MDC1: variants seen among roughly 807,000 people sequenced by gnomAD.
MDC1 encodes the protein mediator of DNA damage checkpoint protein 1.
A neutral mutation model predicts 142.5 loss-of-function variants in MDC1; 81 were observed. That is an observed-to-expected ratio of 0.57 (90% confidence interval 0.47 to 0.68). MDC1 has a LOEUF of 0.68. MDC1 is among the 30% of genes least tolerant of loss of function. The pLI is 0.00. For missense variants in MDC1, 2,119 were observed against 2,547.9 expected (o/e 0.83, Z 3.62); for synonymous variants, 797 against 968.4 (o/e 0.82, Z 3.29).
In MDC1 at chr6:30,700,085, T is replaced by C. The variant is rs758207427; in HGVS notation, c.*380A>G. On this transcript the variant is annotated 3_prime_UTR_variant, in exon 15 of 15. Transcript: ENST00000376406. Reference sequence around the variant, plus strand: ...TTTCCAAATAGGAGGTAGGACACCATGAGTGGCATCGAGCAATAACTGCAA... The same window carrying C: ...TTTCCAAATAGGAGGTAGGACACCACGAGTGGCATCGAGCAATAACTGCAA... The C allele has an allele frequency of 3.3e-5, 8 of 240,546 alleles. No homozygotes were observed. Among genetic ancestry groups the C allele is most frequent in the Non-Finnish European group, 6.5e-5 (8 of 123,284 alleles). The allele number at this position is 240,546 out of a possible 1,614,324, so 14.9% of individuals were successfully genotyped here. A position where few individuals can be genotyped will look rare whatever the true frequency, so the allele number is the denominator to read the frequency against.
At position 30,713,735 on chromosome 6, in the gene MDC1, G is replaced by T; in HGVS notation, c.518-18C>A. 1.4e-5 allele frequency: 23 copies of T among 1,613,918 alleles called. No individual in the cohort carries two copies. The highest frequency in any genetic ancestry group is 1.9e-5 in the Non-Finnish European group (23 of 1,179,868). On this transcript the variant is annotated intron_variant, in intron 3 of 14. Transcript: ENST00000376406. The surrounding 1 kb of genome is among the most constrained non-coding windows in gnomAD (Gnocchi z 4.9). Reference sequence around the variant, plus strand: ...AAGAAAATCTGTCAAGAACAGAAAGGAATGAGTTGACAATTGTACACTCAT... The same window carrying T: ...AAGAAAATCTGTCAAGAACAGAAAGTAATGAGTTGACAATTGTACACTCAT...
rs773783519 is a variant in MDC1 at position 30,702,886 on chromosome 6, G to C, written c.5866-9C>G. On this transcript the variant is annotated splice_polypyrimidine_tract_variant and intron_variant, in intron 12 of 14. Coordinates refer to ENST00000376406, the MANE Select transcript of MDC1 (RefSeq NM_014641.3). ...AAACCAGCCTTGCGGGACTAAGGAC[G>C]GCAGCAGTCAGCATCAAAGCTCAGC... is the stretch of plus-strand genomic sequence containing the variant. 1 of 1,612,780 alleles carries C rather than the reference G, an allele frequency of 6.2e-7. No individual in the cohort carries two copies. Among genetic ancestry groups the C allele is most frequent in the Non-Finnish European group, 8.5e-7 (1 of 1,180,034 alleles).
At position 30,707,374 on chromosome 6, in the gene MDC1, T is replaced by C; in HGVS notation, c.3084+10A>G. ...CTTGTGGAATAGGAGGTAGAAAAAG[T>C]AGCTCTCACCCTGGAAACCTTCTCA... On this transcript the variant is annotated intron_variant, in intron 9 of 14. Transcript: ENST00000376406. 1 of 1,612,924 alleles carries C rather than the reference T, an allele frequency of 6.2e-7. No individual in the cohort carries two copies. The highest frequency in any genetic ancestry group is 8.5e-7 in the Non-Finnish European group (1 of 1,179,862).
chr6:30,701,397 C>CTCA (rs1301249808), intron 14 of MDC1, among the ~76,000 whole-genome samples: 1 of 139,126 alleles, frequency 7.2e-6, no homozygotes. Flanking sequence ...GAGACTCTCT[C>CTCA]AAAAAAAAAA....
rs1775096198 is a variant in MDC1, at chr6:30,712,706, T to C, written c.1236A>G (p.Ala412=). 1 of 1,613,012 alleles carries C rather than the reference T, an allele frequency of 6.2e-7. No homozygotes were observed. The highest frequency in any genetic ancestry group is 1.3e-5 in the African/African-American group (1 of 74,952). Residue 412 remains alanine, a synonymous_variant, in exon 5 of 15, where the codon GCA becomes GCG. Coordinates refer to ENST00000376406, the MANE Select transcript of MDC1 (RefSeq NM_014641.3). The surrounding 1 kb of genome is among the most constrained non-coding windows in gnomAD (Gnocchi z 4.7). ...SDTDDEEEVS[A]ALTLAHLKES... Reference sequence around the variant, plus strand: ...CTTTCAGATGTGCCAAAGTCAGCGCTGCTGAGACTTCTTCCTCGTCATCTG... The same window carrying C: ...CTTTCAGATGTGCCAAAGTCAGCGCCGCTGAGACTTCTTCCTCGTCATCTG...
rs977459394 is a variant in MDC1 at position 30,715,254 on chromosome 6, C to G, written c.-3-76G>C. 6.6e-7 allele frequency: 1 copy of G among 1,515,590 alleles called. No homozygotes were observed. The highest frequency in any genetic ancestry group is 9.2e-7 in the Non-Finnish European group (1 of 1,092,870). The allele number at this position is 1,515,590 out of a possible 1,614,324, so 93.9% of individuals were successfully genotyped here. On this transcript the variant is annotated intron_variant, in intron 1 of 14. Coordinates refer to ENST00000376406, the MANE Select transcript of MDC1 (RefSeq NM_014641.3). The surrounding 1 kb of genome is among the most constrained non-coding windows in gnomAD (Gnocchi z 4.1). ...AGCATCAGAGTTATCAGACTGAAAA[C>G]TAGGGGGTAAACTGGATCATTATGA...
At chr6:30,710,834 G>A (rs1774755728) in intron 7 of MDC1, among the ~76,000 whole-genome samples, 1 of 152,188 alleles carries the variant, frequency 6.6e-6, no homozygotes, top group Non-Finnish European at 1.5e-5. Flanking sequence ...TGAGGGATGG[G>A]CTATTGCCCA....
chr6:30,702,949 G>A (rs1773024140), intron 12 of MDC1, 72 bp from the exon 13 acceptor site: 3 of 1,605,310 alleles, frequency 1.9e-6, no homozygotes, highest in African/African-American at 2.7e-5. Flanking sequence ...AGCATTTAGA[G>A]AGAGCTCACA....
Position 30,715,117 on chromosome 6 carries a change from G to A in MDC1, c.59C>T (p.Ser20Phe). Residue 20 changes from serine to phenylalanine, a missense_variant, in exon 2 of 15, where the codon TCC becomes TTC. Ser to Phe is a radical substitution (Grantham distance 155). Transcript: ENST00000376406. The surrounding 1 kb of genome is among the most constrained non-coding windows in gnomAD (Gnocchi z 4.1). ...DVEEEEETEQ[S>F]SESLRCNVEP... is the part of the protein sequence containing the mutation. ...CACGTTACACCTCAAGGATTCACTG[G>A]ATTGCTCTGTCTCCTCCTCTTCTTC... The A allele has an allele frequency of 8.7e-6, 14 of 1,614,144 alleles. No individual in the cohort carries two copies. The highest frequency in any genetic ancestry group is 1.2e-5 in the Non-Finnish European group (14 of 1,180,014).
rs115919262 is a variant in MDC1, at chr6:30,705,386, T to G, written c.3797A>C (p.Tyr1266Ser). 0.017 allele frequency: 20,606 copies of G among 1,221,684 alleles called. 567 individuals carry two copies. The highest frequency in any genetic ancestry group is 0.15 in the African/African-American group (5,762 of 39,456). 75.7% of individuals were successfully genotyped at this position (1,221,684 alleles called of 1,614,324 possible). The change falls in exon 10 of 15, where the codon TAT becomes TCT. Residue 1266 changes from tyrosine to serine, a missense_variant. Physicochemically the swap from Tyr to Ser is moderately radical, Grantham distance 144 (BLOSUM62 -2). Transcript: ENST00000376406. Reference protein sequence around the residue: ...TDQPVTSEPTYQATRGRKNRS... With the variant: ...TDQPVTSEPTSQATRGRKNRS... The stretch of plus-strand genomic sequence containing the variant: ...ATTTTTTCTTCCCCTAGTAGCCTGA[T>G]ATGTGGGCTCAGAAGTGACAGGCTG...
Position 30,712,270 on chromosome 6 carries a change from C to T in MDC1, c.1672G>A (p.Gly558Arg). 1 of 1,613,106 alleles carries T rather than the reference C, an allele frequency of 6.2e-7. No homozygotes were observed. Among genetic ancestry groups the T allele is most frequent in the African/African-American group, 1.3e-5 (1 of 75,064 alleles). The change falls in exon 5 of 15, where the codon GGA becomes AGA. Residue 558 changes from glycine to arginine, a missense_variant. Physicochemically the swap from Gly to Arg is moderately radical, Grantham distance 125. Coordinates refer to ENST00000376406, the MANE Select transcript of MDC1 (RefSeq NM_014641.3). This position sits in a 1 kb window ranked among gnomAD's most constrained non-coding sequence, Gnocchi z 4.7. ...GATACCACAAGCAGCTTTGCTGGTC[C>T]CCCAACTGCTTTCACATCTGTTTGA... ...TNQTDVKAVG[G>R]PAKLLVVSLE...
At position 30,706,013 on chromosome 6, in the gene MDC1, C is replaced by T; in HGVS notation, c.3170G>A (p.Ser1057Asn). Residue 1057 changes from serine to asparagine, a missense_variant, in exon 10 of 15, where the codon AGC becomes AAC. Physicochemically the swap from Ser to Asn is conservative, Grantham distance 46. Transcript: ENST00000376406. ...APPQKPLNSQ[S>N]QKHLAPPPLL... ...GGGCGGAGGTGCAAGATGTTTCTGG[C>T]TCTGAGAGTTAAGGGGCTTTTGGGG... The T allele has an allele frequency of 6.2e-7, 1 of 1,608,818 alleles. No individual in the cohort carries two copies. Among genetic ancestry groups the T allele is most frequent in the Non-Finnish European group, 8.5e-7 (1 of 1,179,832 alleles).
Position 30,713,227 on chromosome 6 carries a change from T to A in MDC1, c.715A>T (p.Arg239Ter). 2 of 1,613,120 alleles carry A rather than the reference T, an allele frequency of 1.2e-6. No homozygotes were observed. Among genetic ancestry groups the A allele is most frequent in the Non-Finnish European group, 1.7e-6 (2 of 1,180,034 alleles). The change falls in exon 5 of 15, where the codon AGA becomes TGA. Residue 239 changes from arginine (R) to a stop codon, truncating the protein, a stop_gained. Transcript: ENST00000376406. LOFTEE classifies it high-confidence loss of function. The surrounding 1 kb of genome is among the most constrained non-coding windows in gnomAD (Gnocchi z 4.9). ...ATEEASSAAR[R>*]GATVEAKQSE... ...TGCTTTGCCTCTACAGTGGCACCTC[T>A]TCTGGCAGCTGAGGAGGCCTCCTCT...
At position 30,703,524 on chromosome 6, in the gene MDC1, G is replaced by T; in HGVS notation, c.5576C>A (p.Pro1859Gln). Residue 1859 changes from proline (P) to glutamine (Q), a missense_variant, in exon 11 of 15, where the codon CCA becomes CAA. By Grantham distance (76) the Pro-to-Gln change is moderately conservative. Coordinates refer to ENST00000376406, the MANE Select transcript of MDC1 (RefSeq NM_014641.3). This position sits in a 1 kb window ranked among gnomAD's most constrained non-coding sequence, Gnocchi z 4.4. The part of the protein sequence containing the change: ...KPGKEEDVVT[P>Q]KPGKRKRDQA... Reference sequence around the variant, plus strand: ...GTCTCTCTTTCTCTTGCCTGGTTTTGGAGTCACGACATCCTGAGATTGAGA... The same window carrying T: ...GTCTCTCTTTCTCTTGCCTGGTTTTTGAGTCACGACATCCTGAGATTGAGA... The T allele has an allele frequency of 6.2e-7, 1 of 1,613,184 alleles. No homozygotes were observed. Among genetic ancestry groups the T allele is most frequent in the South Asian group, 1.1e-5 (1 of 91,080 alleles).
In MDC1 at chr6:30,707,777, T is replaced by C; in HGVS notation, c.2802A>G (p.Glu934=). The C allele has an allele frequency of 4.3e-6, 7 of 1,613,138 alleles. No homozygotes were observed. Among genetic ancestry groups the C allele is most frequent in the Non-Finnish European group, 5.9e-6 (7 of 1,180,026 alleles). The part of the protein sequence containing the change: ...ANRECDPAEL[E]EKVPKVILER... ...CCAGGATCACTTTGGGCACCTTCTC[T>C]TCTAACTCGGCTGGATCGCACTCTC... is the stretch of plus-strand genomic sequence containing the variant. The change falls in exon 8 of 15, where the codon GAA becomes GAG. Residue 934 remains glutamate (E), a synonymous_variant. Transcript: ENST00000376406.
At position 30,714,149 on chromosome 6, in the gene MDC1, GCCTA is replaced by G; in HGVS notation, c.167_170del (p.Val56AlafsTer25). 1 of 1,611,100 alleles carries G rather than the reference GCCTA, an allele frequency of 6.2e-7. No individual in the cohort carries two copies. The highest frequency in any genetic ancestry group is 8.5e-7 in the Non-Finnish European group (1 of 1,179,940). On this transcript the variant is annotated frameshift_variant, in exon 3 of 15. Transcript: ENST00000376406. LOFTEE classifies it high-confidence loss of function. ...GGGCCACAGAGCAGTCAGGCATTCG[GCCTA>G]CCACATTCTTCCCGAGGTGTAGTGG...
At position 30,712,099 on chromosome 6, in the gene MDC1, G is replaced by A; in HGVS notation, c.1843C>T (p.Leu615Phe). The A allele has an allele frequency of 6.2e-7, 1 of 1,601,440 alleles. No homozygotes were observed. Among genetic ancestry groups the A allele is most frequent in the Non-Finnish European group, 8.5e-7 (1 of 1,174,128 alleles). Residue 615 changes from leucine (L) to phenylalanine (F), a missense_variant, in exon 5 of 15, where the codon CTT becomes TTT. Transcript: ENST00000376406. The surrounding 1 kb of genome is among the most constrained non-coding windows in gnomAD (Gnocchi z 4.7). The stretch of plus-strand genomic sequence containing the variant: ...ACCTCATGAGCTCTCTCCTGCTTAA[G>A]AACAGCTGCAGCCCACTCTGCCCCA... The part of the protein sequence containing the change: ...DAGAEWAAAV[L>F]KQERAHEVGA...
Position 30,700,284 on chromosome 6 carries a change from C to A in MDC1, c.*181G>T. On this transcript the variant is annotated 3_prime_UTR_variant, in exon 15 of 15. Transcript: ENST00000376406. ...GCCATTAAAAAAACAAACAAACAAACAAAAAACAACCTGTGGCTTCCAAAT... is the reference window on the plus strand; with the variant it reads ...GCCATTAAAAAAACAAACAAACAAAAAAAAAACAACCTGTGGCTTCCAAAT... 1 of 539,884 alleles carries A rather than the reference C, an allele frequency of 1.9e-6. No homozygotes were observed. The highest frequency in any genetic ancestry group is 3.2e-5 in the East Asian group (1 of 31,542). 33.4% of individuals were successfully genotyped at this position (539,884 alleles called of 1,614,324 possible).
chr6:30,713,470 C>T lies in MDC1; in HGVS notation c.588-116G>A. ...GGTAGCATATTTCTTCTTCTGTTTC[C>T]AATTTGTTTTCCACTTGGCACATCA... On this transcript the variant is annotated intron_variant, in intron 4 of 14. Transcript: ENST00000376406. The surrounding 1 kb of genome is among the most constrained non-coding windows in gnomAD (Gnocchi z 4.9). The T allele has an allele frequency of 7.5e-7, 1 of 1,335,404 alleles. No individual in the cohort carries two copies. The allele number at this position is 1,335,404 out of a possible 1,614,324, so 82.7% of individuals were successfully genotyped here.
Sources: allele counts gnomAD v4.1 joint callset (sites outside exome capture counted in the v4.1 genomes callset), GRCh38; gene constraint gnomAD v4.1.1; non-coding constraint Gnocchi (gnomAD v3.1); transcripts MANE v1.5; gene names NCBI Gene and HGNC (gene_info 2026-07-23, HGNC 2026-07-21).